The following DISP1 variants were observed in gnomAD, a reference collection of about 807,000 sequenced individuals.
DISP1 encodes the protein protein dispatched homolog 1.
A neutral mutation model predicts 37.3 loss-of-function variants in DISP1; 30 were observed. The ratio of observed to expected loss-of-function variants is 0.80; its 90% CI spans 0.60 to 1.09. The LOEUF (loss-of-function observed/expected upper bound fraction) is 1.09. Among genes scored for constraint, DISP1 ranks in the 50% least tolerant of loss-of-function variants. DISP1 has a pLI of 0.00. For missense variants in DISP1, 1,598 were observed against 1,879.5 expected (o/e 0.85, Z 2.77); for synonymous variants, 634 against 690.2 (o/e 0.92, Z 1.28).
rs188694903 is a variant in DISP1 at position 222,817,249 on chromosome 1, G to C, written c.-159+2171G>C. On this transcript the variant is annotated intron_variant, in intron 1 of 8. Transcript: ENST00000675850. ...ATGGCAGTTTTTGATTAAGTACAGCGAACTGCTGGCTATTTTATAGATTCA... is the reference window on the plus strand; with the variant it reads ...ATGGCAGTTTTTGATTAAGTACAGCCAACTGCTGGCTATTTTATAGATTCA... 5.2e-4 allele frequency among the ~76,000 whole-genome samples: 79 copies of C among 152,288 alleles called. 1 individual carries two copies. The highest frequency in any genetic ancestry group is 1.6e-3 in the African/African-American group (67 of 41,580).
chr1:222,816,093 ATATATATAT>A (rs1558273044), intron 1 of DISP1, among the ~76,000 whole-genome samples: 4 of 148,338 alleles, frequency 2.7e-5, no homozygotes, highest in Non-Finnish European at 4.5e-5. Flanking sequence ...ATATATATAT[ATATATATAT>A]AAATATTTGC....
At chr1:222,888,420 A>C (rs912385687) in intron 1 of DISP1, among the ~76,000 whole-genome samples, 1 of 152,216 alleles carries the variant, frequency 6.6e-6, no homozygotes, top group Non-Finnish European at 1.5e-5. Context: ...GCCAATCTTA[A>C]GGAAAAGTTT....
At chr1:222,857,082 A>C (rs1192828553) in intron 1 of DISP1, among the ~76,000 whole-genome samples, 4 of 152,154 alleles carry the variant, frequency 2.6e-5, no homozygotes, top group African/African-American at 9.7e-5. Context: ...AAATCCGACC[A>C]GAATGGATTC....
chr1:222,837,936 A>G (rs549208659), intron 1 of DISP1, among the ~76,000 whole-genome samples: 1 of 152,296 alleles, frequency 6.6e-6, no homozygotes, highest in African/African-American at 2.4e-5. Context: ...TATAATGAAA[A>G]ACATTGGTTC....
chr1:222,877,364 A>AAG (rs370487791), intron 1 of DISP1, among the ~76,000 whole-genome samples: 1,702 of 152,272 alleles, frequency 0.011, 28 homozygotes, highest in African/African-American at 0.039. Context: ...GCGGCAGGCA[A>AAG]AGAGAGAGAG....
rs1460404865 is a variant in DISP1, at chr1:222,939,560, C to T, written c.-17-3247C>T. The stretch of plus-strand genomic sequence containing the variant: ...TACCTGGGCTGGGCACAGTGGCTCA[C>T]GCCTGTAATCCTAATCCCAGCACTT... On this transcript the variant is annotated intron_variant, in intron 2 of 8. Transcript: ENST00000675850. Among the ~76,000 whole-genome samples, 12 of 151,794 alleles carry T rather than the reference C, an allele frequency of 7.9e-5. No homozygotes were observed. The South Asian group carries it at 8.3e-4, about 11-fold the overall frequency.
chr1:222,826,377 CTT>C (rs376799233), intron 1 of DISP1, among the ~76,000 whole-genome samples: 111 of 110,370 alleles, frequency 1.0e-3, no homozygotes, highest in Non-Finnish European at 1.4e-3. Context: ...CACTTTAATA[CTT>C]TTTTTTTTTT....
chr1:222,889,180 A>G (rs1451107811), intron 1 of DISP1, among the ~76,000 whole-genome samples: 2 of 152,224 alleles, frequency 1.3e-5, no homozygotes, highest in East Asian at 3.9e-4. Flanking sequence ...GGGAAAAGGT[A>G]TTGGGATTCT....
intron 1 of DISP1, among the ~76,000 whole-genome samples, chr1:222,925,839 T>G (rs926564339): frequency 1.3e-5 from 2 of 152,252 alleles, no homozygotes; most frequent in East Asian, 3.9e-4. Context: ...TCATCAGCCC[T>G]CCAGGGAATC....
chr1:222,879,234 T>C (rs930366181), intron 1 of DISP1, among the ~76,000 whole-genome samples: 2 of 152,194 alleles, frequency 1.3e-5, no homozygotes, highest in Non-Finnish European at 2.9e-5. Flanking sequence ...ATGAGACACC[T>C]GGCTTAGCTC....
chr1:222,925,413 T>A (rs971073984), intron 1 of DISP1, among the ~76,000 whole-genome samples: 1 of 152,170 alleles, frequency 6.6e-6, no homozygotes. Flanking sequence ...ACTGTTCAGA[T>A]GATCAAAGAG....
At chr1:222,834,213 A>G (rs1666448803) in intron 1 of DISP1, among the ~76,000 whole-genome samples, 1 of 151,986 alleles carries the variant, frequency 6.6e-6, no homozygotes, top group South Asian at 2.1e-4. Flanking sequence ...AAGTTTGATG[A>G]TTCTTTCTTC....
chr1:222,938,662 G>C (rs1404752386), intron 2 of DISP1, among the ~76,000 whole-genome samples: 1 of 149,872 alleles, frequency 6.7e-6, no homozygotes, highest in African/African-American at 2.5e-5. Flanking sequence ...GGGCCTGGGA[G>C]GTCTAGGCTG....
intron 1 of DISP1, among the ~76,000 whole-genome samples, chr1:222,900,817 G>A (rs1234319899): frequency 6.6e-6 from 1 of 152,182 alleles, no homozygotes; most frequent in East Asian, 1.9e-4. Context: ...ACAGAGTGAT[G>A]AGTGGGAGCT....
chr1:222,953,802 T>A (rs1675402334), intron 3 of DISP1, among the ~76,000 whole-genome samples: 1 of 151,966 alleles, frequency 6.6e-6, no homozygotes. Flanking sequence ...TTTGAGAGAG[T>A]TCTTCTTTTA....
intron 5 of DISP1, 46 bp from the exon 6 acceptor site, chr1:222,991,474 A>G (rs758720994): frequency 1.4e-5 from 23 of 1,612,166 alleles, no homozygotes; most frequent in Non-Finnish European, 2.0e-5. Context: ...AACTGTACTT[A>G]GCCTGAAATG....
chr1:222,826,908 T>C (rs771095055), intron 1 of DISP1, among the ~76,000 whole-genome samples: 3 of 152,220 alleles, frequency 2.0e-5, no homozygotes, highest in Non-Finnish European at 4.4e-5. Flanking sequence ...TCCTGTTTCA[T>C]AAATAATACA....
intron 1 of DISP1, among the ~76,000 whole-genome samples, chr1:222,875,582 G>T (rs759668895): frequency 2.0e-5 from 3 of 150,018 alleles, no homozygotes; most frequent in Non-Finnish European, 4.4e-5. Context: ...ACTTTGGGAG[G>T]CTGAGGTGGG....
chr1:222,844,921 G>A (rs538514911), intron 1 of DISP1, among the ~76,000 whole-genome samples: 30 of 152,204 alleles, frequency 2.0e-4, no homozygotes, highest in African/African-American at 6.5e-4. Context: ...TAATATAAAA[G>A]GATGGGTATT....
Sources: allele counts gnomAD v4.1 joint callset (sites outside exome capture counted in the v4.1 genomes callset), GRCh38; gene constraint gnomAD v4.1.1; transcripts MANE v1.5; gene names NCBI Gene and HGNC (gene_info 2026-07-23, HGNC 2026-07-21).